Variants in C14orf39 observed in about 807,000 individuals in gnomAD.
The protein encoded by C14orf39 is protein SIX6OS1.
Under a neutral mutation model 85.6 loss-of-function variants are expected in C14orf39, and 66 were observed. That is an observed-to-expected ratio of 0.77 (90% CI 0.63 to 0.95). The LOEUF is 0.95. Among genes scored for constraint, C14orf39 ranks in the 40% least tolerant of loss-of-function variants. The pLI is 0.00. For synonymous variants in C14orf39, 242 were observed against 214.0 expected (o/e 1.13, Z -1.14); for missense variants, 735 against 663.9 (o/e 1.11, Z -1.18).
At chr14:60,450,801 G>A (rs543229422) in intron 16 of C14orf39, among the ~76,000 whole-genome samples, 1 of 152,204 alleles carries the variant, frequency 6.6e-6, no homozygotes, top group South Asian at 2.1e-4. Context: ...TCAGCACAGA[G>A]AGAGAGGCTC....
rs1314876984 is a variant in C14orf39 at position 60,471,440 on chromosome 14, T to G, written c.531A>C (p.Ser177=). The G allele has an allele frequency of 1.3e-6, 2 of 1,599,138 alleles. No homozygotes were observed. The highest frequency in any genetic ancestry group is 2.3e-5 in the East Asian group (1 of 44,326). ...ACATGTTTAAAGTCCATTTAGTAAG[T>G]GATGGAAAGGGAGCAGGCACTGAAA... ...MKFRVPAPFP[S]LTKWTLNIVN... The change falls in exon 7 of 18, where the codon TCA becomes TCC. Residue 177 remains serine, a synonymous_variant. Transcript: ENST00000321731.
chr14:60,476,669 A>G (rs1019279837), intron 5 of C14orf39, among the ~76,000 whole-genome samples: 4 of 152,196 alleles, frequency 2.6e-5, no homozygotes, highest in Admixed American at 6.5e-5. Flanking sequence ...AGCCTCTCAC[A>G]GAATCATTTT....
upstream of C14orf39, among the ~76,000 whole-genome samples, chr14:60,489,735 A>C (rs1488870450): frequency 1.3e-5 from 2 of 152,120 alleles, no homozygotes; most frequent in Non-Finnish European, 2.9e-5. Context: ...GATCCCTCTC[A>C]TCAGCTTTAA....
chr14:60,471,287 A>T, intron 7 of C14orf39, 130 bp downstream of exon 7: 1 of 810,768 alleles, frequency 1.2e-6, no homozygotes, highest in Non-Finnish European at 1.9e-6. Context: ...CTTTAAAATT[A>T]CTTTTTAAAT....
chr14:60,507,084 G>A (rs1434625092), intron 1 of C14orf39, among the ~76,000 whole-genome samples: 4 of 152,158 alleles, frequency 2.6e-5, no homozygotes, highest in African/African-American at 9.7e-5. Context: ...TCTCGGCTCG[G>A]CTCGCGGGCT....
chr14:60,473,440 T>C (rs1401910260), intron 5 of C14orf39, among the ~76,000 whole-genome samples: 2 of 152,226 alleles, frequency 1.3e-5, no homozygotes, highest in Non-Finnish European at 2.9e-5. Context: ...TGGCTTTTGT[T>C]GCCATTGCTT....
At chr14:60,510,887 A>T (rs1291614798) in intron 1 of C14orf39, among the ~76,000 whole-genome samples, 1 of 152,236 alleles carries the variant, frequency 6.6e-6, no homozygotes, top group Non-Finnish European at 1.5e-5. Flanking sequence ...GTGGGGCACA[A>T]CAGTAGGGAC....
intron 16 of C14orf39, among the ~76,000 whole-genome samples, chr14:60,447,631 T>C (rs1262927993): frequency 1.3e-5 from 2 of 152,200 alleles, no homozygotes; most frequent in Non-Finnish European, 2.9e-5. Context: ...AGATAATTTA[T>C]AGATCCAATG....
At chr14:60,497,398 C>G (rs1054542734) in intron 2 of C14orf39, among the ~76,000 whole-genome samples, 1 of 111,260 alleles carries the variant, frequency 9.0e-6, no homozygotes, top group Non-Finnish European at 2.0e-5. Context: ...AATGCACACA[C>G]ACACACACTC....
At chr14:60,510,864 G>GGC (rs887994657) in intron 1 of C14orf39, among the ~76,000 whole-genome samples, 11 of 152,362 alleles carry the variant, frequency 7.2e-5, no homozygotes, top group Non-Finnish European at 1.2e-4. Flanking sequence ...GCTGAGAAAG[G>GGC]GCGCGAATCA....
chr14:60,499,486 T>C (rs1893110411), intron 1 of C14orf39: 4 of 152,310 alleles, frequency 2.6e-5, no homozygotes, highest in Admixed American at 2.0e-4. Flanking sequence ...TAGAAAATGA[T>C]TTGAAGAAGA....
intron 1 of C14orf39, chr14:60,512,367 G>A (rs968933371): frequency 2.6e-5 from 4 of 152,224 alleles, no homozygotes; most frequent in Admixed American, 1.3e-4. Flanking sequence ...ATGCTAGAGT[G>A]AGCATATACT....
chr14:60,461,106 A>C (rs1304289737), intron 13 of C14orf39, among the ~76,000 whole-genome samples: 1 of 151,958 alleles, frequency 6.6e-6, no homozygotes, highest in Non-Finnish European at 1.5e-5. Flanking sequence ...AATGGTATGC[A>C]CCAGTATTTA....
At chr14:60,470,354 A>T (rs1892018909) in intron 7 of C14orf39, among the ~76,000 whole-genome samples, 2 of 151,952 alleles carry the variant, frequency 1.3e-5, no homozygotes, top group Admixed American at 1.3e-4. Flanking sequence ...ATTCCAGAGA[A>T]GATTAATCAG....
In C14orf39 at chr14:60,466,925, C is replaced by A; in HGVS notation, c.887G>T (p.Arg296Ile). ...ACAAACAGATATTATACCTGCAACT[C>A]TTGGTTCTGAAGAATGCATCTTTAT... ...RPIKMHSSEP[R>I]VADIKEESSA... Residue 296 changes from arginine (R) to isoleucine (I), a missense_variant, in exon 10 of 18, where the codon AGA becomes ATA. Coordinates refer to ENST00000321731, the MANE Select transcript of C14orf39 (RefSeq NM_174978.3). 1 of 1,483,716 alleles carries A rather than the reference C, an allele frequency of 6.7e-7. No individual in the cohort carries two copies. The highest frequency in any genetic ancestry group is 2.6e-5 in the East Asian group (1 of 38,594). 91.9% of individuals were successfully genotyped at this position (1,483,716 alleles called of 1,614,324 possible). A position where few individuals can be genotyped will look rare whatever the true frequency, so the allele number is the denominator to read the frequency against.
chr14:60,437,254 T>C (rs772480438), intron 17 of C14orf39, among the ~76,000 whole-genome samples: 1 of 151,990 alleles, frequency 6.6e-6, no homozygotes, highest in Non-Finnish European at 1.5e-5. Context: ...ACTTAAACCC[T>C]GTTTTCAAGT....
At position 60,504,717 on chromosome 14, in the gene C14orf39, A is replaced by C. The variant is rs75141727; in HGVS notation, c.-143-5287T>G. On this transcript the variant is annotated intron_variant, in intron 1 of 5. Coordinates refer to the C14orf39 transcript ENST00000556799. The stretch of plus-strand genomic sequence containing the variant: ...GATGTGGTTAGTGCTGTAAACATTT[A>C]GGCTTGTCCTAAAGAAGTAGACAAG... 1.3e-3 allele frequency among the ~76,000 whole-genome samples: 195 copies of C among 152,356 alleles called. 6 individuals are homozygous for C. In the East Asian group the frequency reaches 0.036, roughly 28 times the overall value.
At chr14:60,462,101 T>A (rs1891561106) in intron 11 of C14orf39, among the ~76,000 whole-genome samples, 1 of 151,978 alleles carries the variant, frequency 6.6e-6, no homozygotes, top group Non-Finnish European at 1.5e-5. Flanking sequence ...TAGCTGGGAG[T>A]GGTGACTTAT....
intron 11 of C14orf39, among the ~76,000 whole-genome samples, chr14:60,465,523 AGG>A (rs1351454764): frequency 1.1e-4 from 16 of 152,084 alleles, no homozygotes; most frequent in African/African-American, 3.9e-4. Flanking sequence ...TAAGATGAAC[AGG>A]GGGTTAAGTA....
Sources: allele counts gnomAD v4.1 joint callset (sites outside exome capture counted in the v4.1 genomes callset), GRCh38; gene constraint gnomAD v4.1.1; transcripts MANE v1.5; gene names NCBI Gene and HGNC (gene_info 2026-07-23, HGNC 2026-07-21).